Variants in NSD3 observed in about 807,000 individuals in gnomAD.
NSD3 encodes the protein histone-lysine N-methyltransferase NSD3.
A neutral mutation model predicts 160.8 loss-of-function variants in NSD3; 24 were observed. That is an observed-to-expected ratio of 0.15 (90% CI 0.11 to 0.21). NSD3 has a LOEUF of 0.21. Ranked by LOEUF, NSD3 falls within the 10% of genes least tolerant of loss-of-function variation. NSD3 has a pLI of 1.00. For synonymous variants in NSD3, 520 were observed against 600.0 expected, an observed-to-expected ratio of 0.87 and a Z score of 1.95; for missense variants, 1,157 against 1,735.9, an observed-to-expected ratio of 0.67 and a Z score of 5.93.
intron 2 of NSD3, among the ~76,000 whole-genome samples, chr8:38,340,939 G>A (rs1030677352): frequency 6.6e-6 from 1 of 151,026 alleles, no homozygotes; most frequent in South Asian, 2.1e-4. Context: ...AAGGTGGAAT[G>A]ATCTCTTGAG....
chr8:38,324,654 C>T (rs1809865585), intron 7 of NSD3, among the ~76,000 whole-genome samples: 1 of 152,056 alleles, frequency 6.6e-6, no homozygotes, highest in African/African-American at 2.4e-5. Flanking sequence ...TTGGAATTTC[C>T]TGCATAATAT....
chr8:38,375,026 T>C (rs1482980873), intron 1 of NSD3, among the ~76,000 whole-genome samples: 1 of 151,922 alleles, frequency 6.6e-6, no homozygotes, highest in Non-Finnish European at 1.5e-5. Context: ...TAAAAATAAA[T>C]AAATAAATAA....
chr8:38,352,715 C>G (rs1810732451), intron 1 of NSD3, among the ~76,000 whole-genome samples: 1 of 151,988 alleles, frequency 6.6e-6, no homozygotes, highest in Non-Finnish European at 1.5e-5. Context: ...TCAGATGATT[C>G]TCTCACCTCA....
intron 12 of NSD3, 94 bp downstream of exon 12, chr8:38,314,553 G>A (rs1270976725): frequency 6.6e-7 from 1 of 1,504,980 alleles, no homozygotes; most frequent in Non-Finnish European, 9.0e-7. Flanking sequence ...TAATAAAAGT[G>A]ATGGGAACAA....
chr8:38,276,290 G>C lies in NSD3; in HGVS notation c.4072+6C>G, dbSNP rs748529604. On this transcript the variant is annotated splice_donor_region_variant and intron_variant, in intron 23 of 23. Coordinates refer to ENST00000317025, the MANE Select transcript of NSD3 (RefSeq NM_023034.2). ...TTAGGGAAAGGGTCCTGAAGGTCCA[G>C]CTTACCATATGGTGGCTGAGTCAGG... 3.7e-6 allele frequency: 6 copies of C among 1,613,832 alleles called. No individual in the cohort carries two copies. The African/African-American group carries it at 6.7e-5, about 18-fold the overall frequency.
At chr8:38,331,902 T>C (rs1361934650) in intron 4 of NSD3, among the ~76,000 whole-genome samples, 2 of 152,244 alleles carry the variant, frequency 1.3e-5, no homozygotes, top group Non-Finnish European at 2.9e-5. Flanking sequence ...TCATTTTTCA[T>C]AAAAATATAA....
intron 1 of NSD3, among the ~76,000 whole-genome samples, chr8:38,353,046 C>T (rs563572660): frequency 6.6e-6 from 1 of 152,308 alleles, no homozygotes; most frequent in South Asian, 2.1e-4. Flanking sequence ...CTCCCAACAA[C>T]ATTCATGTAG....
Position 38,339,366 on chromosome 8 carries a change from T to C in NSD3, c.676-759A>G, listed in dbSNP as rs183132384. ...TGTATATTTGAAAAGCACTGAGAGATGTAAAAAATATGGATAAGTATGAAG... is the reference window on the plus strand; with the variant it reads ...TGTATATTTGAAAAGCACTGAGAGACGTAAAAAATATGGATAAGTATGAAG... On this transcript the variant is annotated intron_variant, in intron 2 of 23. Transcript: ENST00000317025. Among the ~76,000 whole-genome samples, 322 of 152,178 alleles carry C rather than the reference T, an allele frequency of 2.1e-3. 2 individuals carry two copies. Among genetic ancestry groups the C allele is most frequent in the African/African-American group, 7.3e-3 (304 of 41,546 alleles).
At position 38,329,987 on chromosome 8, in the gene NSD3, G is replaced by A; in HGVS notation, c.1066-94C>T. 1.4e-6 allele frequency: 2 copies of A among 1,413,530 alleles called. No individual in the cohort carries two copies. Among genetic ancestry groups the A allele is most frequent in the Non-Finnish European group, 1.9e-6 (2 of 1,060,000 alleles). The allele number at this position is 1,413,530 out of a possible 1,614,324, so 87.6% of individuals were successfully genotyped here. A position where few individuals can be genotyped will look rare whatever the true frequency, so the allele number is the denominator to read the frequency against. ...CCCATGTGATCCTGTTATCTTTTCA[G>A]GTCTACATAAATATCTTCAGGTTCT... On this transcript the variant is annotated intron_variant, in intron 5 of 23. Transcript: ENST00000317025. The surrounding 1 kb of genome is among the most constrained non-coding windows in gnomAD (Gnocchi z 4.8).
Position 38,275,613 on chromosome 8 carries a change from T to TA in NSD3, c.*27dup. 2 of 1,592,184 alleles carry TA rather than the reference T, an allele frequency of 1.3e-6. No individual in the cohort carries two copies. Among genetic ancestry groups the TA allele is most frequent in the Non-Finnish European group, 1.7e-6 (2 of 1,165,962 alleles). The stretch of plus-strand genomic sequence containing the variant: ...GCATGATCTATTTGCTTTTTTCACT[T>TA]AAATAGAAAGGAGGGGACACCACAC... On this transcript the variant is annotated 3_prime_UTR_variant, in exon 24 of 24. Coordinates refer to ENST00000317025, the MANE Select transcript of NSD3 (RefSeq NM_023034.2).
At chr8:38,307,256 C>A (rs1809430590) in intron 12 of NSD3, among the ~76,000 whole-genome samples, 1 of 151,982 alleles carries the variant, frequency 6.6e-6, no homozygotes, top group Non-Finnish European at 1.5e-5. Context: ...GTGATCTTGG[C>A]TCACTGCAAC....
Position 38,337,261 on chromosome 8 carries a change from T to A in NSD3, c.910+44A>T. 4 of 1,488,984 alleles carry A rather than the reference T, an allele frequency of 2.7e-6. No individual in the cohort carries two copies. The East Asian group carries it at 9.9e-5, about 37-fold the overall frequency. The allele number at this position is 1,488,984 out of a possible 1,614,324, so 92.2% of individuals were successfully genotyped here. The stretch of plus-strand genomic sequence containing the variant: ...ACATACAACATTTAAAAGTCACTTT[T>A]ATTTCCAACCTTTTACTTAGTATCT... On this transcript the variant is annotated intron_variant, in intron 4 of 23. Coordinates refer to ENST00000317025, the MANE Select transcript of NSD3 (RefSeq NM_023034.2).
At chr8:38,292,421 C>A (rs1585860205) in intron 16 of NSD3, among the ~76,000 whole-genome samples, 1 of 151,088 alleles carries the variant, frequency 6.6e-6, no homozygotes, top group South Asian at 2.1e-4. Flanking sequence ...TTGTGGCGGG[C>A]AGATCACTTG....
At chr8:38,344,418 C>T (rs778231363) in intron 2 of NSD3, among the ~76,000 whole-genome samples, 1 of 152,072 alleles carries the variant, frequency 6.6e-6, no homozygotes, top group Non-Finnish European at 1.5e-5. Flanking sequence ...ATTACAGGTA[C>T]CCACCACCAC....
At position 38,272,440 on chromosome 8, in the gene NSD3, A is replaced by C. The variant is rs568536092; in HGVS notation, c.*3201T>G. 6.6e-6 allele frequency: 1 copy of C among 152,378 alleles called. No individual in the cohort carries two copies. Among genetic ancestry groups the C allele is most frequent in the South Asian group, 2.1e-4 (1 of 4,832 alleles). The allele number at this position is 152,378 out of a possible 1,614,324, so 9.4% of individuals were successfully genotyped here. ...CTGCCTCTGGCTGCTTCAGCCTTCC[A>C]GGAATGAAGAGCCATCCACCTTGCC... On this transcript the variant is annotated 3_prime_UTR_variant, in exon 24 of 24. Coordinates refer to ENST00000317025, the MANE Select transcript of NSD3 (RefSeq NM_023034.2).
rs773861449 is a variant in NSD3, at chr8:38,305,311, G to A, written c.2377C>T (p.Arg793Cys). The change falls in exon 13 of 24, where the codon CGC (arginine) becomes TGC (cysteine). Residue 793 changes from arginine (R) to cysteine (C), a missense_variant. Physicochemically the swap from Arg to Cys is radical, Grantham distance 180. Transcript: ENST00000317025. ...GCAGAGCAGCAGTGCTGAGGACAGC[G>A]GAATCCTTTTGATTCAAAGATGGCA... The part of the protein sequence containing the change: ...PTAIFESKGF[R>C]CPQHCCSACS... 28 of 1,614,062 alleles carry A rather than the reference G, an allele frequency of 1.7e-5. No individual in the cohort carries two copies. The highest frequency in any genetic ancestry group is 2.7e-5 in the African/African-American group (2 of 74,924).
At chr8:38,309,459 A>C (rs1024477888) in intron 12 of NSD3, among the ~76,000 whole-genome samples, 1 of 152,056 alleles carries the variant, frequency 6.6e-6, no homozygotes, top group African/African-American at 2.4e-5. Flanking sequence ...CAGAGCAAAA[A>C]TCTGTCTCAA....
chr8:38,376,499 G>A (rs1008812897), intron 1 of NSD3, among the ~76,000 whole-genome samples: 1 of 151,234 alleles, frequency 6.6e-6, no homozygotes, highest in African/African-American at 2.4e-5. Context: ...GCAATGGCGC[G>A]ACCTCAGCTC....
At chr8:38,287,225 T>A (rs560013407) in intron 19 of NSD3, among the ~76,000 whole-genome samples, 3 of 152,362 alleles carry the variant, frequency 2.0e-5, no homozygotes, top group East Asian at 3.9e-4. Flanking sequence ...TCTATTTATT[T>A]ATTGGGAATA....
Sources: gnomAD v4.1 joint callset for allele counts (sites outside exome capture counted in the v4.1 genomes callset) on GRCh38, gnomAD v4.1.1 for gene constraint, Gnocchi (gnomAD v3.1) non-coding constraint, MANE v1.5 for transcripts, NCBI Gene and HGNC (gene_info 2026-07-23, HGNC 2026-07-21) for gene names.